The following SCYL1 variants were observed in gnomAD, a reference collection of about 807,000 sequenced individuals.
SCYL1 encodes N-terminal kinase-like protein.
SCYL1 carries 85 observed loss-of-function variants against 94.8 expected under a neutral mutation model. The observed-to-expected ratio is 0.90, with a 90% CI of 0.75 to 1.07. SCYL1 has a LOEUF of 1.07. Among genes scored for constraint, SCYL1 ranks in the 50% least tolerant of loss-of-function variants. The pLI is 0.00. For synonymous variants in SCYL1, 459 were observed against 435.5 expected (o/e 1.05, Z -0.67); for missense variants, 968 against 1,083.3 (o/e 0.89, Z 1.49).
At chr11:65,533,365 T>C (rs1470735763) in intron 9 of SCYL1, 2 of 154,556 alleles carry the variant, frequency 1.3e-5, no homozygotes, top group Non-Finnish European at 2.9e-5. Flanking sequence ...GAGGTTGCAG[T>C]GAGCCGAGAT....
At chr11:65,527,917 C>G (rs1156722403) in intron 6 of SCYL1, among the ~76,000 whole-genome samples, 4 of 152,158 alleles carry the variant, frequency 2.6e-5, no homozygotes, top group Non-Finnish European at 5.9e-5. Context: ...GTGTTCTGTG[C>G]CCAGCAGGCA....
At position 65,525,970 on chromosome 11, in the gene SCYL1, T is replaced by A; in HGVS notation, c.302T>A (p.Ile101Lys). The change falls in exon 3 of 18, where the codon ATA becomes AAA. Residue 101 changes from isoleucine (I) to lysine (K), a missense_variant. By Grantham distance (102) the Ile-to-Lys change is moderately radical. Coordinates refer to ENST00000270176, the MANE Select transcript of SCYL1 (RefSeq NM_020680.4). ...VVTEAVTPLG[I>K]YLKARVEAGG... ...ACAGAGGCTGTGACCCCGTTGGGAA[T>A]ATACCTCAAGGCGAGAGTGGAGGCT... The A allele has an allele frequency of 6.2e-7, 1 of 1,613,516 alleles. No individual in the cohort carries two copies. Among genetic ancestry groups the A allele is most frequent in the Non-Finnish European group, 8.5e-7 (1 of 1,179,930 alleles).
In SCYL1 at chr11:65,530,624, C is replaced by T. The variant is rs768076025; in HGVS notation, c.850-5C>T. 2 of 1,611,858 alleles carry T rather than the reference C, an allele frequency of 1.2e-6. No homozygotes were observed. Among genetic ancestry groups the T allele is most frequent in the Admixed American group, 1.7e-5 (1 of 59,734 alleles). On this transcript the variant is annotated splice_polypyrimidine_tract_variant and splice_region_variant and intron_variant, in intron 6 of 17. Coordinates refer to ENST00000270176, the MANE Select transcript of SCYL1 (RefSeq NM_020680.4). ...CTTCCCCGGGTCCCGTCCTCACTCC[C>T]CCAGATCAAAGAGCCAGCCGAGAAG...
rs567487791 is a variant in SCYL1 at position 65,526,755 on chromosome 11, C to T, written c.603-28C>T. ...AGGCCTGTGCAGGTGGTTGGTGGGG[C>T]CCTAAGAGCTCTGGGTCACTGCCAC... On this transcript the variant is annotated intron_variant, in intron 4 of 17. Transcript: ENST00000270176. This position sits in a 1 kb window ranked among gnomAD's most constrained non-coding sequence, Gnocchi z 4.1. 2.5e-6 allele frequency: 4 copies of T among 1,600,444 alleles called. No homozygotes were observed. The highest frequency in any genetic ancestry group is 1.7e-4 in the Middle Eastern group (1 of 5,786).
In SCYL1 at chr11:65,537,001, C is replaced by G; in HGVS notation, c.1832C>G (p.Ala611Gly). 1 of 1,611,652 alleles carries G rather than the reference C, an allele frequency of 6.2e-7. No homozygotes were observed. The highest frequency in any genetic ancestry group is 8.5e-7 in the Non-Finnish European group (1 of 1,178,176). ...TGCTCCCCAGGAGTTCCTGCCCCAGCCCCCACCCCTGTTCCTGCCACCCCT... is the reference window on the plus strand; with the variant it reads ...TGCTCCCCAGGAGTTCCTGCCCCAGGCCCCACCCCTGTTCCTGCCACCCCT... ...RPTPEGVPAPAPTPVPATPTT... is the reference protein window; with the variant it reads ...RPTPEGVPAPGPTPVPATPTT... The change falls in exon 14 of 18, where the codon GCC becomes GGC. Residue 611 changes from alanine (A) to glycine (G), a missense_variant. Ala to Gly is a moderately conservative substitution (Grantham distance 60, BLOSUM62 0). Coordinates refer to ENST00000270176, the MANE Select transcript of SCYL1 (RefSeq NM_020680.4).
intron 12 of SCYL1, 99 bp from the exon 13 acceptor site, chr11:65,536,487 A>G: frequency 6.8e-7 from 1 of 1,463,180 alleles, no homozygotes; most frequent in Non-Finnish European, 9.4e-7. Context: ...GGCCTGGAGA[A>G]AGGAGGGGTG....
At chr11:65,530,861 G>A in intron 7 of SCYL1, 74 bp downstream of exon 7, 2 of 1,519,646 alleles carry the variant, frequency 1.3e-6, no homozygotes, top group Non-Finnish European at 8.8e-7. Context: ...CTGGGGTAGG[G>A]CAGGCTGTTT....
intron 7 of SCYL1, 110 bp from the exon 8 acceptor site, chr11:65,531,466 C>T (rs1370972046): frequency 2.6e-6 from 2 of 762,012 alleles, no homozygotes; most frequent in East Asian, 2.7e-5. Flanking sequence ...GCCCCCCCCT[C>T]CGCCATCACT....
intron 6 of SCYL1, among the ~76,000 whole-genome samples, chr11:65,528,415 C>G (rs1392043763): frequency 6.6e-6 from 1 of 151,736 alleles, no homozygotes; most frequent in African/African-American, 2.4e-5. Flanking sequence ...GCATTCTAGC[C>G]TGGGCAACAA....
At position 65,537,963 on chromosome 11, in the gene SCYL1, A is replaced by G. The variant is rs1469688475; in HGVS notation, c.2032-4A>G. On this transcript the variant is annotated splice_region_variant and splice_polypyrimidine_tract_variant and intron_variant, in intron 15 of 17. Transcript: ENST00000270176. ...GGCTACTTCCCCCTCCCGCTCTTCT[A>G]CAGGTCAGCAACTCCGACCACAAAT... 3.1e-6 allele frequency: 5 copies of G among 1,608,504 alleles called. No homozygotes were observed. In the South Asian group the frequency reaches 4.4e-5, roughly 14 times the overall value.
chr11:65,526,927 C>T lies in SCYL1; in HGVS notation c.694-35C>T. 1.2e-6 allele frequency: 2 copies of T among 1,610,042 alleles called. No homozygotes were observed. The highest frequency in any genetic ancestry group is 1.7e-6 in the Non-Finnish European group (2 of 1,177,274). Reference sequence around the variant, plus strand: ...CTGCCTCAGCCCCTCTGCCAGCTGGCTACCCCTGCCCTGACACTGACCCCT... The same window carrying T: ...CTGCCTCAGCCCCTCTGCCAGCTGGTTACCCCTGCCCTGACACTGACCCCT... On this transcript the variant is annotated intron_variant, in intron 5 of 17. Transcript: ENST00000270176. This position sits in a 1 kb window ranked among gnomAD's most constrained non-coding sequence, Gnocchi z 4.1.
At chr11:65,534,409 C>T (rs1855543896) in intron 9 of SCYL1, among the ~76,000 whole-genome samples, 1 of 152,092 alleles carries the variant, frequency 6.6e-6, no homozygotes, top group South Asian at 2.1e-4. Context: ...GAGACTCTAT[C>T]TCAGAAACAA....
In SCYL1 at chr11:65,526,736, G is replaced by A; in HGVS notation, c.603-47G>A. On this transcript the variant is annotated intron_variant, in intron 4 of 17. Coordinates refer to ENST00000270176, the MANE Select transcript of SCYL1 (RefSeq NM_020680.4). The surrounding 1 kb of genome is among the most constrained non-coding windows in gnomAD (Gnocchi z 4.1). ...GGTGCCCAAGGCAGGCTGGAGGCCTGTGCAGGTGGTTGGTGGGGCCCTAAG... is the reference window on the plus strand; with the variant it reads ...GGTGCCCAAGGCAGGCTGGAGGCCTATGCAGGTGGTTGGTGGGGCCCTAAG... 6.3e-7 allele frequency: 1 copy of A among 1,578,082 alleles called. No individual in the cohort carries two copies. The highest frequency in any genetic ancestry group is 8.7e-7 in the Non-Finnish European group (1 of 1,155,640).
Position 65,536,988 on chromosome 11 carries a change from GT to G in SCYL1, c.1821del (p.Pro608LeufsTer65). 3 of 1,611,404 alleles carry G rather than the reference GT, an allele frequency of 1.9e-6. No individual in the cohort carries two copies. The highest frequency in any genetic ancestry group is 2.5e-6 in the Non-Finnish European group (3 of 1,178,100). ...CTCAGTGAGCCTCTGCTCCCCAGGA[GT>G]TCCTGCCCCAGCCCCCACCCCTGTT... ...NIPQRPTPEGVPAPAPTPVPA... is the reference protein window; with the variant it reads ...NIPQRPTPEGXPAPAPTPVPA... On this transcript the variant is annotated frameshift_variant, in exon 14 of 18. Coordinates refer to ENST00000270176, the MANE Select transcript of SCYL1 (RefSeq NM_020680.4). LOFTEE classifies it high-confidence loss of function.
Position 65,526,199 on chromosome 11 carries a change from C to G in SCYL1, c.451C>G (p.Arg151Gly), listed in dbSNP as rs1320473430. ...NVCMAAVFVD[R>G]AGEWKLGGLD... ...CTGCATGGCCGCCGTGTTCGTGGAC[C>G]GAGCTGGCGAGTGGAAGCTTGGGGG... Residue 151 changes from arginine to glycine, a missense_variant, in exon 4 of 18, where the codon CGA becomes GGA. Physicochemically the swap from Arg to Gly is moderately radical, Grantham distance 125. This residue lies in a region of SCYL1 where 494 missense variants were observed against 619.7 expected (regional missense o/e 0.80). Transcript: ENST00000270176. The surrounding 1 kb of genome is among the most constrained non-coding windows in gnomAD (Gnocchi z 4.1). The G allele has an allele frequency of 1.4e-5, 22 of 1,613,320 alleles. No homozygotes were observed. Among genetic ancestry groups the G allele is most frequent in the Non-Finnish European group, 1.8e-5 (21 of 1,179,998 alleles).
chr11:65,537,595 G>A (rs1855742812), intron 14 of SCYL1, among the ~76,000 whole-genome samples: 1 of 152,106 alleles, frequency 6.6e-6, no homozygotes, highest in Admixed American at 6.5e-5. Context: ...CAAGGCTGTT[G>A]GAAGGGGCAT....
At chr11:65,531,156 C>T (rs890032572) in intron 7 of SCYL1, among the ~76,000 whole-genome samples, 9 of 152,192 alleles carry the variant, frequency 5.9e-5, no homozygotes, top group Admixed American at 5.2e-4. Context: ...GATCTTCCAC[C>T]CTTTCCTCAG....
intron 14 of SCYL1, among the ~76,000 whole-genome samples, chr11:65,537,470 C>T (rs760566786): frequency 6.6e-6 from 1 of 151,910 alleles, no homozygotes; most frequent in Non-Finnish European, 1.5e-5. Context: ...CAGACCAGTT[C>T]TGCTTGGGGG....
chr11:65,538,124 C>G lies in SCYL1; in HGVS notation c.2189C>G (p.Pro730Arg). The G allele has an allele frequency of 6.2e-7, 1 of 1,603,020 alleles. No individual in the cohort carries two copies. Among genetic ancestry groups the G allele is most frequent in the Non-Finnish European group, 8.5e-7 (1 of 1,175,330 alleles). ...GCCAGCGAGTATAACTGGGGTGGCC[C>G]AGAGTCCAGCGACAAGGGCGACCCC... ...RLASEYNWGG[P>R]ESSDKGDPFA... Residue 730 changes from proline to arginine, a missense_variant, in exon 16 of 18, where the codon CCA becomes CGA. Transcript: ENST00000270176.
Sources: gnomAD v4.1 joint callset for allele counts (sites outside exome capture counted in the v4.1 genomes callset) on GRCh38, gnomAD v4.1.1 for gene constraint, gnomAD v4.1.1 regional missense constraint, Gnocchi (gnomAD v3.1) non-coding constraint, MANE v1.5 for transcripts, NCBI Gene and HGNC (gene_info 2026-07-23, HGNC 2026-07-21) for gene names.